The following COL21A1 variants were observed in gnomAD, a reference collection of about 807,000 sequenced individuals.
COL21A1 encodes collagen alpha-1(XXI) chain.
In COL21A1, 149 loss-of-function variants were observed where a neutral mutation model predicts 137.9. The ratio of observed to expected loss-of-function variants is 1.08; its 90% CI spans 0.95 to 1.24. The LOEUF (loss-of-function observed/expected upper bound fraction) is 1.24. Ranked by LOEUF, COL21A1 falls within the 50% of genes most tolerant of loss-of-function variation. The pLI is 0.00. For missense variants in COL21A1, 1,167 were observed against 1,158.4 expected (o/e 1.01, Z -0.11); for synonymous variants, 456 against 391.5 (o/e 1.16, Z -1.95).
At chr6:56,298,636 T>C (rs570233298) in intron 1 of COL21A1, among the ~76,000 whole-genome samples, 1 of 152,142 alleles carries the variant, frequency 6.6e-6, no homozygotes, top group Admixed American at 6.5e-5. Flanking sequence ...ATATTCAGGA[T>C]AGAGCCAGTT....
chr6:56,061,681 C>T lies in COL21A1; in HGVS notation c.2173G>A (p.Gly725Arg), dbSNP rs1234049026. 2 of 1,575,392 alleles carry T rather than the reference C, an allele frequency of 1.3e-6. No homozygotes were observed. The highest frequency in any genetic ancestry group is 1.7e-6 in the Non-Finnish European group (2 of 1,152,748). ...TTTGCACCATGATGGCCTTGAATTC[C>T]CTTTGAAAATTAATAGAAAAAATAT... The part of the protein sequence containing the change: ...NGRQGIPGQQ[G>R]IQGHHGAKGE... Residue 725 changes from glycine (G) to arginine (R), a missense_variant and splice_region_variant, in exon 25 of 30, where the codon GGA becomes AGA. Physicochemically the swap from Gly to Arg is moderately radical, Grantham distance 125 (BLOSUM62 -2). Transcript: ENST00000244728.
intron 16 of COL21A1, among the ~76,000 whole-genome samples, chr6:56,113,581 A>G (rs1434976829): frequency 6.6e-6 from 1 of 152,170 alleles, no homozygotes; most frequent in East Asian, 1.9e-4. Context: ...TACTACACCA[A>G]GGGCCTTGGT....
intron 12 of COL21A1, 112 bp from the exon 13 acceptor site, chr6:56,126,261 A>C: frequency 1.5e-6 from 1 of 668,158 alleles, no homozygotes. Flanking sequence ...TCTATCTGCA[A>C]ACAGTTAATT....
At chr6:56,171,241 T>C (rs1777026381) in intron 3 of COL21A1, 113 bp from the exon 4 acceptor site, 8 of 612,262 alleles carry the variant, frequency 1.3e-5, no homozygotes, top group Non-Finnish European at 2.1e-5. Context: ...AATTATAAAA[T>C]CTACATATGT....
intron 16 of COL21A1, among the ~76,000 whole-genome samples, chr6:56,116,430 C>T (rs1407000942): frequency 2.2e-5 from 3 of 135,936 alleles, no homozygotes; most frequent in Non-Finnish European, 4.7e-5. Flanking sequence ...AAAAACTTTA[C>T]CCTAGTATAG....
intron 1 of COL21A1, among the ~76,000 whole-genome samples, chr6:56,381,419 C>G (rs1466688413): frequency 6.6e-6 from 1 of 152,212 alleles, no homozygotes; most frequent in Non-Finnish European, 1.5e-5. Context: ...TAAAACCCAC[C>G]TGGTAGAGAG....
chr6:56,269,407 G>A (rs1417610136), intron 1 of COL21A1, among the ~76,000 whole-genome samples: 2 of 152,090 alleles, frequency 1.3e-5, no homozygotes, highest in African/African-American at 4.8e-5. Flanking sequence ...TGTAATCCCA[G>A]CACTTTGGGA....
intron 5 of COL21A1, among the ~76,000 whole-genome samples, chr6:56,170,179 G>A (rs9475582): frequency 0.011 from 1,655 of 151,680 alleles, 31 homozygotes; most frequent in African/African-American, 0.037. Flanking sequence ...TATGTATCTG[G>A]TATTTAATAT....
chr6:56,087,445 T>C (rs1416566185), intron 17 of COL21A1, among the ~76,000 whole-genome samples: 1 of 152,160 alleles, frequency 6.6e-6, no homozygotes, highest in Non-Finnish European at 1.5e-5. Flanking sequence ...ATTGAACTCA[T>C]GGGGTTCTGG....
At position 56,057,679 on chromosome 6, in the gene COL21A1, A is replaced by G. The variant is rs1765443715; in HGVS notation, c.2852T>C (p.Phe951Ser). 1 of 1,613,090 alleles carries G rather than the reference A, an allele frequency of 6.2e-7. No individual in the cohort carries two copies. Residue 951 changes from phenylalanine to serine, a missense_variant, in exon 30 of 30, where the codon TTC (phenylalanine) becomes TCC (serine). Coordinates refer to ENST00000244728, the MANE Select transcript of COL21A1 (RefSeq NM_030820.4). ...CFSVIARRDP[F>S]RKGPNY ...ACACTAATAGTTTGGTCCTTTTCTG[A>G]ACGGATCTCTTCTGGCAATTACACT...
At chr6:56,309,277 A>AT (rs1764547656) in intron 1 of COL21A1, among the ~76,000 whole-genome samples, 1 of 152,072 alleles carries the variant, frequency 6.6e-6, no homozygotes, top group Non-Finnish European at 1.5e-5. Context: ...TGACCTCGTG[A>AT]TCTGCCCGCC....
At chr6:56,260,891 T>TGTGTGTGTGTGTGTGC (rs1582739777) in intron 1 of COL21A1, among the ~76,000 whole-genome samples, 1 of 150,770 alleles carries the variant, frequency 6.6e-6, no homozygotes, top group Admixed American at 6.6e-5. Flanking sequence ...TGTGTGTGTG[T>TGTGTGTGTGTGTGTGC]GTACCTTTTA....
At chr6:56,081,088 A>G (rs1767717055) in intron 17 of COL21A1, among the ~76,000 whole-genome samples, 2 of 151,810 alleles carry the variant, frequency 1.3e-5, no homozygotes, top group South Asian at 4.1e-4. Context: ...GCTTTCACAA[A>G]TATTTAGCTC....
intron 20 of COL21A1, among the ~76,000 whole-genome samples, chr6:56,071,237 T>G (rs893584627): frequency 6.6e-6 from 1 of 151,606 alleles, no homozygotes; most frequent in Non-Finnish European, 1.5e-5. Context: ...GCACAATGGC[T>G]TTTTTTGAAG....
intron 8 of COL21A1, 42 bp downstream of exon 8, chr6:56,164,772 T>C (rs1297239824): frequency 6.6e-7 from 1 of 1,519,616 alleles, no homozygotes; most frequent in African/African-American, 1.4e-5. Flanking sequence ...GGTCCCACAA[T>C]ACAAATATTA....
intron 1 of COL21A1, among the ~76,000 whole-genome samples, chr6:56,239,846 TC>T (rs1194323247): frequency 6.6e-6 from 1 of 152,158 alleles, no homozygotes; most frequent in East Asian, 1.9e-4. Context: ...TAAGGGCTCC[TC>T]CAATATGAAT....
At chr6:56,348,638 C>A (rs937190651) in intron 1 of COL21A1, among the ~76,000 whole-genome samples, 65 of 152,198 alleles carry the variant, frequency 4.3e-4, no homozygotes, top group Non-Finnish European at 7.9e-4. Flanking sequence ...CCAGAAAGAG[C>A]CAATAACAGA....
chr6:56,089,156 A>G (rs1273876905), intron 17 of COL21A1, among the ~76,000 whole-genome samples: 4 of 152,192 alleles, frequency 2.6e-5, no homozygotes, highest in Admixed American at 2.6e-4. Flanking sequence ...GATGATTAGC[A>G]TCACATGGCA....
chr6:56,378,602 C>T (rs1402874921), intron 1 of COL21A1, among the ~76,000 whole-genome samples: 3 of 152,236 alleles, frequency 2.0e-5, no homozygotes, highest in Non-Finnish European at 2.9e-5. Context: ...TGACTCTAGT[C>T]TCTGGCTCCT....
Sources: allele counts gnomAD v4.1 joint callset (sites outside exome capture counted in the v4.1 genomes callset), GRCh38; gene constraint gnomAD v4.1.1; transcripts MANE v1.5; gene names NCBI Gene and HGNC (gene_info 2026-07-23, HGNC 2026-07-21).